RHOU: variants seen among roughly 807,000 people sequenced by gnomAD.
The protein encoded by RHOU is rho-related GTP-binding protein RhoU.
A neutral mutation model predicts 12.6 loss-of-function variants in RHOU; 8 were observed. The observed-to-expected ratio is 0.64, with a 90% CI of 0.37 to 1.15. RHOU has a LOEUF of 1.15. Among genes scored for constraint, RHOU ranks in the 50% most tolerant of loss-of-function variants. The pLI is 0.01. For missense variants in RHOU, 258 were observed against 347.0 expected (o/e 0.74, Z 2.04); for synonymous variants, 161 against 147.4 (o/e 1.09, Z -0.67).
the RHOU span, among the ~76,000 whole-genome samples, chr1:228,692,479 G>A: frequency 3.9e-5 from 6 of 152,122 alleles, no homozygotes; most frequent in African/African-American, 1.4e-4. Flanking sequence ...TCCCTGCTCT[G>A]TGCTGAGTGA....
At chr1:228,688,871 G>C in the RHOU span, among the ~76,000 whole-genome samples, 1 of 152,202 alleles carries the variant, frequency 6.6e-6, no homozygotes, top group Non-Finnish European at 1.5e-5. Flanking sequence ...GTTTAGCTGA[G>C]TGTGTCCAAA....
chr1:228,660,545 T>C, the RHOU span, among the ~76,000 whole-genome samples: 1 of 151,656 alleles, frequency 6.6e-6, no homozygotes, highest in East Asian at 1.9e-4. Context: ...TAATATCCCA[T>C]ATGAAGATTG....
the RHOU span, among the ~76,000 whole-genome samples, chr1:228,696,910 T>C: frequency 6.6e-6 from 1 of 152,086 alleles, no homozygotes; most frequent in Non-Finnish European, 1.5e-5. Context: ...ATTGATGAGA[T>C]TAATAAGTAA....
the RHOU span, among the ~76,000 whole-genome samples, chr1:228,652,973 AT>A: frequency 5.9e-5 from 9 of 152,172 alleles, no homozygotes. Flanking sequence ...GAGTATACTT[AT>A]TTTTAATGGA....
intron 1 of RHOU, 130 bp downstream of exon 1, chr1:228,736,134 C>G: frequency 1.1e-6 from 1 of 912,192 alleles, no homozygotes; most frequent in South Asian, 1.8e-5. Context: ...GCTGGGAAGC[C>G]GGACAAATGA....
At chr1:228,699,354 G>A in the RHOU span, among the ~76,000 whole-genome samples, 1 of 150,730 alleles carries the variant, frequency 6.6e-6, no homozygotes, top group African/African-American at 2.4e-5. Flanking sequence ...AGGCTGAGGT[G>A]GGAGGATCAC....
At chr1:228,687,443 T>G in the RHOU span, 1 of 1,480,984 alleles carries the variant, frequency 6.8e-7, no homozygotes, top group African/African-American at 1.4e-5. Context: ...CCAAATACTT[T>G]CTTCACCAAT....
chr1:228,710,653 A>T, the RHOU span, among the ~76,000 whole-genome samples: 7 of 151,742 alleles, frequency 4.6e-5, no homozygotes, highest in African/African-American at 1.7e-4. Context: ...TATTGATGGG[A>T]CATATCTCAA....
the RHOU span, among the ~76,000 whole-genome samples, chr1:228,671,546 G>A: frequency 0.018 from 2,696 of 151,458 alleles, 72 homozygotes; most frequent in African/African-American, 0.062. Flanking sequence ...GTGAAACCCC[G>A]TCTCTACTAA....
At chr1:228,707,184 T>TATATATATATACATATATATAC in the RHOU span, among the ~76,000 whole-genome samples, 4 of 86,262 alleles carry the variant, frequency 4.6e-5, no homozygotes, top group African/African-American at 2.7e-4. Context: ...ATTAACAAAA[T>TATATATATATACATATATATAC]ATATATATAT....
the RHOU span, among the ~76,000 whole-genome samples, chr1:228,715,595 C>A: frequency 6.6e-6 from 1 of 152,040 alleles, no homozygotes; most frequent in Non-Finnish European, 1.5e-5. Flanking sequence ...GATCCTTGTA[C>A]CTTGAGAAGA....
chr1:228,717,342 G>A, the RHOU span, among the ~76,000 whole-genome samples: 1 of 152,300 alleles, frequency 6.6e-6, no homozygotes, highest in Non-Finnish European at 1.5e-5. Flanking sequence ...AAGCCAGAAA[G>A]TCTTATAACA....
the RHOU span, chr1:228,687,859 G>A: frequency 3.8e-6 from 4 of 1,057,586 alleles, no homozygotes; most frequent in African/African-American, 4.7e-5. Flanking sequence ...AGCCGTGGGA[G>A]TGACTTCCCT....
At chr1:228,665,840 T>C in the RHOU span, among the ~76,000 whole-genome samples, 1 of 152,172 alleles carries the variant, frequency 6.6e-6, no homozygotes, top group Non-Finnish European at 1.5e-5. Flanking sequence ...CCTTCTACCC[T>C]GGGAGAAAGC....
At chr1:228,690,403 G>A in the RHOU span, among the ~76,000 whole-genome samples, 2 of 151,504 alleles carry the variant, frequency 1.3e-5, no homozygotes, top group East Asian at 1.9e-4. Flanking sequence ...TCGGCTCACC[G>A]CAACCTCCGC....
chr1:228,713,473 A>G, the RHOU span, among the ~76,000 whole-genome samples: 1 of 152,008 alleles, frequency 6.6e-6, no homozygotes. Flanking sequence ...TTTGGCATGC[A>G]CCAACACACT....
Position 228,744,413 on chromosome 1 carries a change from T to G in RHOU, c.*673T>G, listed in dbSNP as rs1662784013. 1 of 152,276 alleles carries G rather than the reference T, an allele frequency of 6.6e-6. No homozygotes were observed. The highest frequency in any genetic ancestry group is 2.4e-5 in the African/African-American group (1 of 41,470). The allele number at this position is 152,276 out of a possible 1,614,324, so 9.4% of individuals were successfully genotyped here. ...CCTTATTGGGACTTTTCTTTCTTAG[T>G]CCAGTTGTGTTGACACATATGAACA... On this transcript the variant is annotated 3_prime_UTR_variant, in exon 3 of 3. Transcript: ENST00000366691.
the RHOU span, among the ~76,000 whole-genome samples, chr1:228,722,422 C>T: frequency 3.9e-5 from 6 of 152,266 alleles, no homozygotes; most frequent in African/African-American, 1.4e-4. Flanking sequence ...CACCTCTCAC[C>T]AGCACCTCCC....
chr1:228,707,182 AATATATATATATACATATATATAC>A, the RHOU span, among the ~76,000 whole-genome samples: 4 of 93,208 alleles, frequency 4.3e-5, no homozygotes, highest in African/African-American at 6.4e-5. Context: ...ATATTAACAA[AATATATATATATACATATATATAC>A]ATATATATAT....
Sources: gnomAD v4.1 joint callset for allele counts (sites outside exome capture counted in the v4.1 genomes callset) on GRCh38, gnomAD v4.1.1 for gene constraint, MANE v1.5 for transcripts, NCBI Gene and HGNC (gene_info 2026-07-23, HGNC 2026-07-21) for gene names.